Variants in GALNT10 observed in about 807,000 individuals in gnomAD.
GALNT10 encodes the protein GalNAc transferase 10.
In GALNT10, 41 loss-of-function variants were observed where a neutral mutation model predicts 75.0. That is an observed-to-expected ratio of 0.55 (90% confidence interval 0.43 to 0.71). GALNT10 has a LOEUF of 0.71. GALNT10 is among the 30% of genes least tolerant of loss of function. The pLI is 0.00. For synonymous variants in GALNT10, 302 were observed against 313.0 expected (o/e 0.96, Z 0.37); for missense variants, 727 against 818.5 (o/e 0.89, Z 1.36).
intron 1 of GALNT10, among the ~76,000 whole-genome samples, chr5:154,207,788 A>G (rs1561628729): frequency 6.6e-6 from 1 of 152,160 alleles, no homozygotes; most frequent in Non-Finnish European, 1.5e-5. Context: ...TAAGCTCATT[A>G]TTCCTGGCCC....
At chr5:154,318,162 G>A (rs76425449) in intron 3 of GALNT10, among the ~76,000 whole-genome samples, 1,734 of 152,322 alleles carry the variant, frequency 0.011, 33 homozygotes, top group African/African-American at 0.039. Flanking sequence ...CCCTATACAG[G>A]TGAGGTGTAG....
intron 4 of GALNT10, among the ~76,000 whole-genome samples, chr5:154,357,238 G>A (rs186160081): frequency 6.6e-6 from 1 of 152,284 alleles, no homozygotes; most frequent in East Asian, 1.9e-4. Context: ...GCAAGGCAGG[G>A]GTTAAGTGCA....
chr5:154,276,943 T>C (rs990883004), intron 1 of GALNT10, among the ~76,000 whole-genome samples: 4 of 152,188 alleles, frequency 2.6e-5, no homozygotes, highest in Non-Finnish European at 5.9e-5. Context: ...TGTTTCTATT[T>C]TGGCACCTTA....
intron 7 of GALNT10, among the ~76,000 whole-genome samples, chr5:154,400,261 G>GC (rs1338289341): frequency 2.0e-4 from 30 of 152,164 alleles, no homozygotes; most frequent in Admixed American, 1.9e-3. Flanking sequence ...TCAAACAGGT[G>GC]TCTCTTTCCC....
At chr5:154,304,211 G>C (rs910665853) in intron 3 of GALNT10, among the ~76,000 whole-genome samples, 5 of 152,126 alleles carry the variant, frequency 3.3e-5, no homozygotes, top group African/African-American at 4.8e-5. Flanking sequence ...TGTGTGTAAG[G>C]AAGTAATGGC....
intron 1 of GALNT10, among the ~76,000 whole-genome samples, chr5:154,201,857 A>T (rs1210891182): frequency 6.6e-6 from 1 of 151,876 alleles, no homozygotes; most frequent in African/African-American, 2.4e-5. Context: ...TGAAGCTGGG[A>T]GGCGGAGGTT....
At chr5:154,321,360 A>G (rs1225223968) in intron 3 of GALNT10, among the ~76,000 whole-genome samples, 1 of 151,372 alleles carries the variant, frequency 6.6e-6, no homozygotes, top group Non-Finnish European at 1.5e-5. Flanking sequence ...CCCAGAGTGC[A>G]GTGACACAAT....
At position 154,236,475 on chromosome 5, in the gene GALNT10, G is replaced by A. The variant is rs182159729; in HGVS notation, c.159+45450G>A. ...AATCAACTTGTTTTAGGCTTAAATT[G>A]TAGGCTCCTCTGGTCTTCTTTTTAG... is the stretch of plus-strand genomic sequence containing the variant. On this transcript the variant is annotated intron_variant, in intron 1 of 11. Transcript: ENST00000297107. Among the ~76,000 whole-genome samples, 5 of 152,264 alleles carry A rather than the reference G, an allele frequency of 3.3e-5. No individual in the cohort carries two copies. In the East Asian group the frequency reaches 9.7e-4, roughly 29 times the overall value.
intron 1 of GALNT10, 62 bp from the exon 2 acceptor site, chr5:154,294,754 T>A: frequency 1.1e-6 from 1 of 879,092 alleles, no homozygotes; most frequent in South Asian, 1.4e-5. Context: ...GCAGTGTAAC[T>A]CCTGGGCCTG....
intron 7 of GALNT10, among the ~76,000 whole-genome samples, chr5:154,390,851 T>A (rs930521235): frequency 6.6e-6 from 1 of 152,264 alleles, no homozygotes; most frequent in Admixed American, 6.5e-5. Flanking sequence ...AATGGCATTT[T>A]TCTCCACAGT....
At chr5:154,345,384 AT>A (rs1755105887) in intron 4 of GALNT10, among the ~76,000 whole-genome samples, 2 of 152,144 alleles carry the variant, frequency 1.3e-5, no homozygotes, top group Non-Finnish European at 1.5e-5. Context: ...CATGCTGCAC[AT>A]TAGGTCTCCA....
chr5:154,283,234 A>T (rs1297932545), intron 1 of GALNT10, among the ~76,000 whole-genome samples: 1 of 144,732 alleles, frequency 6.9e-6, no homozygotes, highest in African/African-American at 2.5e-5. Context: ...ACCTAAGGCC[A>T]GGAGGTTGAG....
At chr5:154,216,413 CAA>C (rs1752872821) in intron 1 of GALNT10, among the ~76,000 whole-genome samples, 1 of 152,036 alleles carries the variant, frequency 6.6e-6, no homozygotes, top group Non-Finnish European at 1.5e-5. Context: ...TCAAATGCAT[CAA>C]CTCTCCATTA....
chr5:154,293,613 A>ATATATATTT, intron 1 of GALNT10, among the ~76,000 whole-genome samples: 22 of 109,360 alleles, frequency 2.0e-4, no homozygotes, highest in African/African-American at 9.3e-4. Flanking sequence ...ATATATATAT[A>ATATATATTT]TTTTTTTTTT....
At chr5:154,278,313 C>T (rs1293692356) in intron 1 of GALNT10, among the ~76,000 whole-genome samples, 2 of 152,186 alleles carry the variant, frequency 1.3e-5, no homozygotes, top group East Asian at 3.8e-4. Context: ...GGGTATTAAT[C>T]ATTGTCTAGT....
intron 10 of GALNT10, among the ~76,000 whole-genome samples, chr5:154,413,297 T>C (rs1756440847): frequency 6.6e-6 from 1 of 152,238 alleles, no homozygotes; most frequent in Admixed American, 6.5e-5. Flanking sequence ...CTTGATGATG[T>C]TGCTGGATCT....
rs760251759 is a variant in GALNT10 at position 154,329,699 on chromosome 5, G to T, written c.529G>T (p.Val177Phe). 1.1e-5 allele frequency: 17 copies of T among 1,613,762 alleles called. No homozygotes were observed. The highest frequency in any genetic ancestry group is 8.5e-7 in the Non-Finnish European group (1 of 1,179,840). Residue 177 changes from valine (V) to phenylalanine (F), a missense_variant, in exon 4 of 12, where the codon GTC (valine) becomes TTC (phenylalanine). Val to Phe is a conservative substitution (Grantham distance 50, BLOSUM62 -1). Transcript: ENST00000297107. The stretch of plus-strand genomic sequence containing the variant: ...GCTCAATCGCTCGCCTCCAGAGCTG[G>T]TCGCCGAGATTGTACTGGTCGACGA... ...SVLNRSPPEL[V>F]AEIVLVDDFS...
intron 1 of GALNT10, among the ~76,000 whole-genome samples, chr5:154,245,291 G>A (rs553822798): frequency 3.2e-4 from 48 of 152,322 alleles, no homozygotes; most frequent in Admixed American, 2.1e-3. Context: ...AGTCGGATAC[G>A]GGGAGGTGAG....
intron 7 of GALNT10, chr5:154,388,699 T>G (rs897950047): frequency 6.6e-6 from 1 of 151,790 alleles, no homozygotes; most frequent in African/African-American, 2.4e-5. Flanking sequence ...TTTTTTTTTT[T>G]TTTTTGCCTC....
Sources: allele counts gnomAD v4.1 joint callset (sites outside exome capture counted in the v4.1 genomes callset), GRCh38; gene constraint gnomAD v4.1.1; transcripts MANE v1.5; gene names NCBI Gene and HGNC (gene_info 2026-07-23, HGNC 2026-07-21).